CTC1: variants seen among roughly 807,000 people sequenced by gnomAD.
The protein encoded by CTC1 is CST complex subunit CTC1.
A neutral mutation model predicts 136.3 loss-of-function variants in CTC1; 91 were observed. That is an observed-to-expected ratio of 0.67 (90% CI 0.56 to 0.79). The LOEUF is 0.79. Among genes scored for constraint, CTC1 ranks in the 30% least tolerant of loss-of-function variants. CTC1 has a pLI of 0.00. For missense variants in CTC1, 1,432 were observed against 1,498.1 expected (o/e 0.96, Z 0.73); for synonymous variants, 606 against 613.8 (o/e 0.99, Z 0.19).
intron 19 of CTC1, 31 bp downstream of exon 19, chr17:8,229,271 C>T (rs371038095): frequency 2.3e-5 from 37 of 1,614,002 alleles, no homozygotes; most frequent in Non-Finnish European, 3.0e-5. Context: ...GCACTCCATA[C>T]TCAGTTCAGC....
Position 8,243,153 on chromosome 17 carries a change from GGAAAGT to G in CTC1, c.34-11_34-6del, listed in dbSNP as rs1356017272. Reference sequence around the variant, plus strand: ...ATCCTCAAGCCAGGCTTGTTCCTGAGGAAAGTGAATTTAGTTAAAACATCTTGACTA... The same window carrying G: ...ATCCTCAAGCCAGGCTTGTTCCTGAGGAATTTAGTTAAAACATCTTGACTA... On this transcript the variant is annotated splice_region_variant and splice_polypyrimidine_tract_variant and intron_variant, in intron 1 of 22. Transcript: ENST00000651323. The G allele has an allele frequency of 6.2e-7, 1 of 1,609,964 alleles. No individual in the cohort carries two copies. Among genetic ancestry groups the G allele is most frequent in the South Asian group, 1.1e-5 (1 of 90,460 alleles).
chr17:8,231,296 C>T lies in CTC1; in HGVS notation c.2649G>A (p.Leu883=), dbSNP rs776947913. 1.9e-6 allele frequency: 3 copies of T among 1,583,968 alleles called. No homozygotes were observed. Among genetic ancestry groups the T allele is most frequent in the Non-Finnish European group, 2.6e-6 (3 of 1,159,640 alleles). The stretch of plus-strand genomic sequence containing the variant: ...TTTACTTGTCACTGAGCAGGTCGGT[C>T]AGTGAGGATTCAGGCAATGACTTGT... ...DANKSLPESS[L]TDLLSDNFTD... The change falls in exon 15 of 23, where the codon CTG becomes CTA. Residue 883 remains leucine (L), a synonymous_variant. Transcript: ENST00000651323.
At chr17:8,247,117 G>T (rs1327284818) in intron 1 of CTC1, among the ~76,000 whole-genome samples, 1 of 151,206 alleles carries the variant, frequency 6.6e-6, no homozygotes, top group Non-Finnish European at 1.5e-5. Context: ...TGAGCAGCTG[G>T]GATTACCGGC....
At chr17:8,231,661 C>A in intron 14 of CTC1, 65 bp downstream of exon 14, 1 of 1,459,742 alleles carries the variant, frequency 6.9e-7, no homozygotes, top group African/African-American at 1.4e-5. Context: ...CACTGGCATG[C>A]CCTCTTTAGA....
chr17:8,233,097 G>T, intron 10 of CTC1, 65 bp from the exon 11 acceptor site: 2 of 1,552,922 alleles, frequency 1.3e-6, no homozygotes, highest in African/African-American at 1.4e-5. Flanking sequence ...TCTACTATTT[G>T]CCAGATGCTG....
Position 8,234,516 on chromosome 17 carries a change from A to T in CTC1, c.1757T>A (p.Leu586His). The T allele has an allele frequency of 6.4e-7, 1 of 1,557,972 alleles. No individual in the cohort carries two copies. Among genetic ancestry groups the T allele is most frequent in the Non-Finnish European group, 8.7e-7 (1 of 1,150,152 alleles). Residue 586 changes from leucine to histidine, a missense_variant, in exon 10 of 23, where the codon CTC becomes CAC. Leu to His is a moderately conservative substitution (Grantham distance 99). Transcript: ENST00000651323. ...CCAGGACCAAGCCAGGCGGCGATTG[A>T]GTTGGCAGCTGGGCAGGTAGGAGGC... ...PEASYLPSCQ[L>H]NRRLAWSWLC...
Position 8,235,145 on chromosome 17 carries a change from C to A in CTC1, c.1347G>T (p.Gly449=). ...PGAHSSRQAY[G]ASLYEQLVWE... is the part of the protein sequence containing the mutation. ...ACACCAGCTGCTCGTACAGGGAGGCCCCGTAGGCTTGACGGGATGAGTGAG... is the reference window on the plus strand; with the variant it reads ...ACACCAGCTGCTCGTACAGGGAGGCACCGTAGGCTTGACGGGATGAGTGAG... Residue 449 remains glycine, a synonymous_variant, in exon 8 of 23, where the codon GGG becomes GGT. Transcript: ENST00000651323. 6.2e-7 allele frequency: 1 copy of A among 1,614,102 alleles called. No homozygotes were observed. The highest frequency in any genetic ancestry group is 8.5e-7 in the Non-Finnish European group (1 of 1,180,018).
intron 7 of CTC1, 34 bp from the exon 8 acceptor site, chr17:8,235,319 A>G: frequency 6.5e-7 from 1 of 1,527,220 alleles, no homozygotes; most frequent in Non-Finnish European, 9.1e-7. Flanking sequence ...AAAAGCAGAG[A>G]TGAAGACCCC....
In CTC1 at chr17:8,242,556, ATAT is replaced by A. The variant is rs1181479613; in HGVS notation, c.197+426_197+428del. ...GAGAAAAAAAAAAAAAAAAAAAAATATATATATATATATATATATATATACACA... is the reference window on the plus strand; with the variant it reads ...GAGAAAAAAAAAAAAAAAAAAAAATAATATATATATATATATATATACACA... On this transcript the variant is annotated intron_variant, in intron 2 of 22. Transcript: ENST00000651323. Among the ~76,000 whole-genome samples, 264 of 63,050 alleles carry A rather than the reference ATAT, an allele frequency of 4.2e-3. 1 individual carries two copies. Among genetic ancestry groups the A allele is most frequent in the Non-Finnish European group, 6.9e-3 (175 of 25,464 alleles). 41.4% of individuals were successfully genotyped at this position (63,050 alleles called of 152,430 possible).
In CTC1 at chr17:8,227,226, G is replaced by A. The variant is rs1332330901; in HGVS notation, c.*954C>T. 1 of 150,582 alleles carries A rather than the reference G, an allele frequency of 6.6e-6. No homozygotes were observed. Among genetic ancestry groups the A allele is most frequent in the Admixed American group, 6.6e-5 (1 of 15,230 alleles). 9.3% of individuals were successfully genotyped at this position (150,582 alleles called of 1,614,324 possible). On this transcript the variant is annotated 3_prime_UTR_variant, in exon 23 of 23. Transcript: ENST00000651323. ...TGGCCTCCCAGTAGCTCTGAAAGATGTGCCTCAGCTCATCTTTCCACCTCT... is the reference window on the plus strand; with the variant it reads ...TGGCCTCCCAGTAGCTCTGAAAGATATGCCTCAGCTCATCTTTCCACCTCT...
intron 10 of CTC1, 100 bp from the exon 11 acceptor site, chr17:8,233,132 G>C: frequency 1.7e-5 from 22 of 1,309,258 alleles, no homozygotes; most frequent in Middle Eastern, 2.0e-4. Flanking sequence ...GCTACAAAAT[G>C]AACAAAAAAG....
At chr17:8,246,635 C>A (rs1299822139) in intron 1 of CTC1, among the ~76,000 whole-genome samples, 1 of 152,086 alleles carries the variant, frequency 6.6e-6, no homozygotes, top group Non-Finnish European at 1.5e-5. Context: ...GCCTGTAATC[C>A]CAGCAGTTTC....
In CTC1 at chr17:8,234,789, T is replaced by C. The variant is rs1237102759; in HGVS notation, c.1577A>G (p.Asn526Ser). Residue 526 changes from asparagine (N) to serine (S), a missense_variant, in exon 9 of 23, where the codon AAT becomes AGT. Asn to Ser is a conservative substitution (Grantham distance 46). Coordinates refer to ENST00000651323, the MANE Select transcript of CTC1 (RefSeq NM_025099.6). ...PPGSPVRNAH[N>S]EILEEPHHCP... ...GTGATGTGGCTCTTCAAGGATCTCA[T>C]TGTGTGCATTCCGAACAGGGCTGCC... 2.5e-6 allele frequency: 4 copies of C among 1,609,222 alleles called. No individual in the cohort carries two copies. The highest frequency in any genetic ancestry group is 2.2e-5 in the East Asian group (1 of 44,864).
intron 2 of CTC1, among the ~76,000 whole-genome samples, chr17:8,240,381 C>T (rs1988114369): frequency 6.6e-6 from 1 of 151,188 alleles, no homozygotes; most frequent in Non-Finnish European, 1.5e-5. Context: ...GTCTCGAACT[C>T]TTGACCCCGT....
Position 8,237,456 on chromosome 17 carries a change from C to A in CTC1, c.711G>T (p.Val237=). ...AGSLVRLSAL[V]KSKQKAYFIL... ...TGAAGTAAGCTTTCTGTTTACTTTT[C>A]ACCAGAGCACTCAATCGAACTAGAC... The change falls in exon 5 of 23, where the codon GTG becomes GTT. Residue 237 remains valine (V), a synonymous_variant. Coordinates refer to ENST00000651323, the MANE Select transcript of CTC1 (RefSeq NM_025099.6). 6.2e-7 allele frequency: 1 copy of A among 1,613,904 alleles called. No individual in the cohort carries two copies. Among genetic ancestry groups the A allele is most frequent in the South Asian group, 1.1e-5 (1 of 91,060 alleles).
chr17:8,235,389 C>T (rs989088830), intron 7 of CTC1, 104 bp from the exon 8 acceptor site: 23 of 849,216 alleles, frequency 2.7e-5, no homozygotes, highest in Admixed American at 4.9e-5. Flanking sequence ...TCCAGGAAGA[C>T]GGAAAGCAAT....
In CTC1 at chr17:8,226,359, G is replaced by A. The variant is rs1986666631; in HGVS notation, c.*1821C>T. ...TTCATCTACAAGAATATAGAGCTAG[G>A]AACCCGGACCGAGCTTTTTCAGATC... On this transcript the variant is annotated 3_prime_UTR_variant, in exon 23 of 23. Coordinates refer to ENST00000651323, the MANE Select transcript of CTC1 (RefSeq NM_025099.6). 1 of 152,168 alleles carries A rather than the reference G, an allele frequency of 6.6e-6. No individual in the cohort carries two copies. The highest frequency in any genetic ancestry group is 2.4e-5 in the African/African-American group (1 of 41,446). The allele number at this position is 152,168 out of a possible 1,614,324, so 9.4% of individuals were successfully genotyped here.
In CTC1 at chr17:8,229,362, G is replaced by C; in HGVS notation, c.3096C>G (p.Val1032=). 1 of 1,614,244 alleles carries C rather than the reference G, an allele frequency of 6.2e-7. No homozygotes were observed. The highest frequency in any genetic ancestry group is 8.5e-7 in the Non-Finnish European group (1 of 1,180,050). Residue 1032 remains valine, a synonymous_variant, in exon 19 of 23, where the codon GTC becomes GTG. Coordinates refer to ENST00000651323, the MANE Select transcript of CTC1 (RefSeq NM_025099.6). ...PFQATASCHI[V]SVFSLQLFWV... is the part of the protein sequence containing the mutation. ...AGAAGAGCTGAAGGCTGAAGACAGAGACGATATGGCAAGAGGCAGTGGCCT... is the reference window on the plus strand; with the variant it reads ...AGAAGAGCTGAAGGCTGAAGACAGACACGATATGGCAAGAGGCAGTGGCCT...
intron 1 of CTC1, among the ~76,000 whole-genome samples, chr17:8,244,774 G>A (rs547119094): frequency 7.2e-5 from 11 of 152,028 alleles, no homozygotes; most frequent in African/African-American, 1.2e-4. Flanking sequence ...TGATCCGCCC[G>A]CCTCAGCCTC....
Sources: allele counts gnomAD v4.1 joint callset (sites outside exome capture counted in the v4.1 genomes callset), GRCh38; gene constraint gnomAD v4.1.1; transcripts MANE v1.5; gene names NCBI Gene and HGNC (gene_info 2026-07-23, HGNC 2026-07-21).